Variants in ADAMTS20 observed in about 807,000 individuals in gnomAD.
ADAMTS20 encodes A disintegrin and metalloproteinase with thrombospondin motifs 20.
In ADAMTS20, 225 loss-of-function variants were observed where a neutral mutation model predicts 260.1. The observed-to-expected ratio is 0.87, with a 90% CI of 0.78 to 0.97. The LOEUF (loss-of-function observed/expected upper bound fraction) is 0.97. ADAMTS20 is among the 50% of genes least tolerant of loss of function. ADAMTS20 has a pLI of 0.00. For missense variants in ADAMTS20, 2,400 were observed against 2,337.7 expected (o/e 1.03, Z -0.55); for synonymous variants, 802 against 769.5 (o/e 1.04, Z -0.70).
chr12:43,412,380 C>T (rs1941048040), intron 28 of ADAMTS20, among the ~76,000 whole-genome samples: 1 of 152,136 alleles, frequency 6.6e-6, no homozygotes, highest in African/African-American at 2.4e-5. Context: ...ACAACAAAGA[C>T]CTTTTAAATA....
intron 29 of ADAMTS20, among the ~76,000 whole-genome samples, chr12:43,390,771 A>G (rs938708508): frequency 6.6e-6 from 1 of 152,196 alleles, no homozygotes; most frequent in Admixed American, 6.6e-5. Context: ...GTATTCTCAA[A>G]GATTGAGGCT....
At chr12:43,514,769 CT>C (rs1407590786) in intron 3 of ADAMTS20, among the ~76,000 whole-genome samples, 1 of 151,980 alleles carries the variant, frequency 6.6e-6, no homozygotes, top group East Asian at 1.9e-4. Context: ...TTTTGAAAAT[CT>C]TATATCAGTG....
intron 31 of ADAMTS20, among the ~76,000 whole-genome samples, chr12:43,379,317 G>T (rs1347288767): frequency 6.6e-6 from 1 of 152,100 alleles, no homozygotes; most frequent in East Asian, 1.9e-4. Flanking sequence ...AGGCTTAAAA[G>T]GAAAAGCTAG....
Position 43,430,405 on chromosome 12 carries a change from C to T in ADAMTS20, c.3328G>A (p.Ala1110Thr), listed in dbSNP as rs753952731. 1.9e-6 allele frequency: 3 copies of T among 1,613,126 alleles called. No individual in the cohort carries two copies. Among genetic ancestry groups the T allele is most frequent in the East Asian group, 2.2e-5 (1 of 44,838 alleles). ...TGGCATTCTGTGTCCTCTAACACTG[C>T]ACTAGCTAGCTCATTGACACATTTA... ...DVKCVNELAS[A>T]VLEDTECHEA... Residue 1110 changes from alanine (A) to threonine (T), a missense_variant, in exon 23 of 39, where the codon GCA (alanine) becomes ACA (threonine). By Grantham distance (58) the Ala-to-Thr change is moderately conservative. Coordinates refer to ENST00000389420, the MANE Select transcript of ADAMTS20 (RefSeq NM_025003.5).
In ADAMTS20 at chr12:43,492,643, G is replaced by A; in HGVS notation, c.952-14C>T. 1.2e-6 allele frequency: 2 copies of A among 1,612,946 alleles called. No individual in the cohort carries two copies. Among genetic ancestry groups the A allele is most frequent in the Non-Finnish European group, 1.7e-6 (2 of 1,179,390 alleles). The stretch of plus-strand genomic sequence containing the variant: ...GACTGGTCCTTCCTATGCAAAATAA[G>A]CAATGCAATACTATGTCAAAATATT... On this transcript the variant is annotated splice_polypyrimidine_tract_variant and intron_variant, in intron 5 of 38. Transcript: ENST00000389420.
chr12:43,481,352 C>T (rs1278309932), intron 7 of ADAMTS20, among the ~76,000 whole-genome samples: 1 of 152,090 alleles, frequency 6.6e-6, no homozygotes, highest in Admixed American at 6.5e-5. Context: ...TTTTAAAAGA[C>T]TCAGAAAACA....
Position 43,452,428 on chromosome 12 carries a change from G to C in ADAMTS20, c.1943-18C>G. ...TGTGCCAACTGTAAAAAAGAAAAAG[G>C]TCAAATTTTTAATGTATAATAATAA... is the stretch of plus-strand genomic sequence containing the variant. On this transcript the variant is annotated intron_variant, in intron 13 of 38. Transcript: ENST00000389420. 3 of 1,605,424 alleles carry C rather than the reference G, an allele frequency of 1.9e-6. No homozygotes were observed. Among genetic ancestry groups the C allele is most frequent in the Non-Finnish European group, 2.5e-6 (3 of 1,177,512 alleles).
At chr12:43,384,676 A>G (rs543815014) in intron 29 of ADAMTS20, among the ~76,000 whole-genome samples, 80 of 151,562 alleles carry the variant, frequency 5.3e-4, no homozygotes, top group African/African-American at 1.8e-3. Flanking sequence ...TCATTGTTCA[A>G]CTCCCACTTA....
At position 43,459,168 on chromosome 12, in the gene ADAMTS20, G is replaced by A. The variant is rs138819217; in HGVS notation, c.1614+3727C>T. Among the ~76,000 whole-genome samples the A allele has an allele frequency of 1.1e-3, 169 of 152,222 alleles. 2 individuals are homozygous for A. The highest frequency in any genetic ancestry group is 3.7e-3 in the African/African-American group (152 of 41,532). ...AGCTGGAGCTGAGCTTTCACTTGCC[G>A]CCTACCACTGCTGTTTGCTGCCATC... On this transcript the variant is annotated intron_variant, in intron 11 of 38. Coordinates refer to ENST00000389420, the MANE Select transcript of ADAMTS20 (RefSeq NM_025003.5).
At chr12:43,518,909 C>T (rs10736012) in intron 3 of ADAMTS20, among the ~76,000 whole-genome samples, 87,234 of 151,564 alleles carry the variant, frequency 0.58, 25,873 homozygotes, top group East Asian at 0.97. Context: ...TCAAAATAAA[C>T]GCAATACCTG....
chr12:43,551,741 G>A lies in ADAMTS20; in HGVS notation c.91+90C>T, dbSNP rs1943520568. 4 of 1,351,560 alleles carry A rather than the reference G, an allele frequency of 3.0e-6. No homozygotes were observed. In the South Asian group the frequency reaches 4.8e-5, roughly 16 times the overall value. 83.7% of individuals were successfully genotyped at this position (1,351,560 alleles called of 1,614,324 possible). A position where few individuals can be genotyped will look rare whatever the true frequency, so the allele number is the denominator to read the frequency against. Reference sequence around the variant, plus strand: ...TCCAGCAGGGCCAGCGTTCCCCAACGGGCTGAGCCGCTCGTCCCCGCGACC... The same window carrying A: ...TCCAGCAGGGCCAGCGTTCCCCAACAGGCTGAGCCGCTCGTCCCCGCGACC... On this transcript the variant is annotated intron_variant, in intron 1 of 38. Coordinates refer to ENST00000389420, the MANE Select transcript of ADAMTS20 (RefSeq NM_025003.5). This position sits in a 1 kb window ranked among gnomAD's most constrained non-coding sequence, Gnocchi z 4.6.
intron 2 of ADAMTS20, among the ~76,000 whole-genome samples, chr12:43,534,311 G>T: frequency 6.6e-6 from 1 of 151,474 alleles, no homozygotes; most frequent in Non-Finnish European, 1.5e-5. Context: ...TCAAAAAGTG[G>T]GCGAAGGACA....
At chr12:43,547,867 C>T (rs1219424552) in intron 2 of ADAMTS20, among the ~76,000 whole-genome samples, 1 of 152,196 alleles carries the variant, frequency 6.6e-6, no homozygotes, top group Admixed American at 6.5e-5. Context: ...CATAAGTTCT[C>T]AGGCCCAGAA....
At chr12:43,550,876 C>A (rs776269024) in intron 2 of ADAMTS20, 33 bp downstream of exon 2, 161 of 1,496,698 alleles carry the variant, frequency 1.1e-4, no homozygotes, top group Non-Finnish European at 1.4e-4. Context: ...GCCTGGATCC[C>A]AAGAAAATGC....
intron 7 of ADAMTS20, among the ~76,000 whole-genome samples, chr12:43,478,949 C>T (rs1056713446): frequency 6.6e-6 from 1 of 152,076 alleles, no homozygotes; most frequent in African/African-American, 2.4e-5. Flanking sequence ...GAAGTAAGGA[C>T]GGTTTTATAG....
In ADAMTS20 at chr12:43,446,693, A is replaced by T; in HGVS notation, c.2099T>A (p.Val700Glu). The T allele has an allele frequency of 6.2e-7, 1 of 1,613,210 alleles. No homozygotes were observed. The highest frequency in any genetic ancestry group is 8.5e-7 in the Non-Finnish European group (1 of 1,179,430). ...GQCMAAGCDH[V>E]LNSSAKIDKC... ...GTCTATCTTGGCACTGGAGTTTAAC[A>T]CGTGATCACAACCAGCTGCCTTCAA... The change falls in exon 15 of 39, where the codon GTG becomes GAG. Residue 700 changes from valine (V) to glutamate (E), a missense_variant. Transcript: ENST00000389420.
chr12:43,509,910 G>T (rs1942899737), intron 3 of ADAMTS20, among the ~76,000 whole-genome samples: 1 of 152,056 alleles, frequency 6.6e-6, no homozygotes. Context: ...AAAGCAATAA[G>T]AAAATAAAAT....
At chr12:43,470,062 C>A (rs1293590007) in intron 7 of ADAMTS20, among the ~76,000 whole-genome samples, 2 of 152,270 alleles carry the variant, frequency 1.3e-5, no homozygotes, top group East Asian at 1.9e-4. Flanking sequence ...AAAATTATTT[C>A]TCTGTAGAGA....
At chr12:43,544,139 A>C (rs1465660492) in intron 2 of ADAMTS20, among the ~76,000 whole-genome samples, 1 of 152,226 alleles carries the variant, frequency 6.6e-6, no homozygotes, top group Non-Finnish European at 1.5e-5. Flanking sequence ...ATTGCAACAG[A>C]AATAAAGCCA....
Sources: gnomAD v4.1 joint callset for allele counts (sites outside exome capture counted in the v4.1 genomes callset) on GRCh38, gnomAD v4.1.1 for gene constraint, Gnocchi (gnomAD v3.1) non-coding constraint, MANE v1.5 for transcripts, NCBI Gene and HGNC (gene_info 2026-07-23, HGNC 2026-07-21) for gene names.